RBFOX1: variants seen among roughly 807,000 people sequenced by gnomAD.
RBFOX1 encodes RNA binding protein fox-1 homolog 1.
In RBFOX1, 8 loss-of-function variants were observed where a neutral mutation model predicts 57.7. The ratio of observed to expected loss-of-function variants is 0.14; its 90% CI spans 0.08 to 0.25. The LOEUF (loss-of-function observed/expected upper bound fraction) is 0.25, where lower values mean the gene tolerates loss of function less well. Among genes scored for constraint, RBFOX1 ranks in the 10% least tolerant of loss-of-function variants. RBFOX1 has a pLI of 1.00. For missense variants in RBFOX1, 611 were observed against 548.5 expected (o/e 1.11, Z -1.14); for synonymous variants, 326 against 222.4 (o/e 1.47, Z -4.15).
chr16:5,368,105 A>G (rs965208796), intron 1 of RBFOX1, among the ~76,000 whole-genome samples: 4 of 152,232 alleles, frequency 2.6e-5, no homozygotes, highest in East Asian at 1.9e-4. Context: ...TAGATTTGTC[A>G]TAAATGTATG....
intron 4 of RBFOX1, among the ~76,000 whole-genome samples, chr16:7,452,685 AG>A: frequency 6.6e-6 from 1 of 152,230 alleles, no homozygotes; most frequent in South Asian, 2.1e-4. Context: ...CATGAATTTT[AG>A]GCTACACTGC....
At chr16:7,488,227 C>T (rs1303723418) in intron 4 of RBFOX1, among the ~76,000 whole-genome samples, 1 of 152,178 alleles carries the variant, frequency 6.6e-6, no homozygotes, top group African/African-American at 2.4e-5. Context: ...TCAGCTCCCT[C>T]CACATACATG....
Position 5,873,595 on chromosome 16 carries a change from A to G in RBFOX1, c.351+6260A>G, listed in dbSNP as rs188961507. ...GACAGTCTCTTATAGTCTAGGCACA[A>G]TACTAGGCCTGGGAATACGTGTACA... is the stretch of plus-strand genomic sequence containing the variant. On this transcript the variant is annotated intron_variant, in intron 4 of 19. Transcript: ENST00000641259. Among the ~76,000 whole-genome samples the G allele has an allele frequency of 1.3e-4, 20 of 152,388 alleles. No individual in the cohort carries two copies. The East Asian group carries it at 1.3e-3, about 10-fold the overall frequency.
chr16:5,817,923 C>T (rs1441618980), intron 3 of RBFOX1, among the ~76,000 whole-genome samples: 1 of 151,942 alleles, frequency 6.6e-6, no homozygotes, highest in Non-Finnish European at 1.5e-5. Context: ...ATCTCCTGAC[C>T]TCATGTTCTA....
At chr16:5,529,457 C>T (rs1321799461) in intron 2 of RBFOX1, among the ~76,000 whole-genome samples, 2 of 149,362 alleles carry the variant, frequency 1.3e-5, no homozygotes, top group Non-Finnish European at 3.0e-5. Flanking sequence ...AGTGCAGTGG[C>T]ATGATCTCAG....
Position 6,530,756 on chromosome 16 carries a change from C to CA in RBFOX1, c.-63-123847_-63-123846insA, listed in dbSNP as rs1226264343. ...ACTCCCTTTTATAAACCGTCCCTTC[C>CA]CCACCCCCATCTCATGAGACTTATT... On this transcript the variant is annotated intron_variant, in intron 2 of 15. Transcript: ENST00000550418. 3.3e-5 allele frequency among the ~76,000 whole-genome samples: 5 copies of CA among 151,296 alleles called. No individual in the cohort carries two copies. In the East Asian group the frequency reaches 7.9e-4, roughly 24 times the overall value.
At chr16:7,426,806 G>C (rs2098620294) in intron 4 of RBFOX1, among the ~76,000 whole-genome samples, 1 of 152,206 alleles carries the variant, frequency 6.6e-6, no homozygotes, top group Admixed American at 6.5e-5. Context: ...TGTAAGCAGA[G>C]AGGCAAGGCA....
At chr16:6,093,309 C>T (rs1343450236) in intron 1 of RBFOX1, among the ~76,000 whole-genome samples, 10 of 152,026 alleles carry the variant, frequency 6.6e-5, no homozygotes, top group South Asian at 2.1e-4. Context: ...TGCAGTGGCT[C>T]GCACCTGTAG....
rs530285093 is a variant in RBFOX1 at position 6,812,622 on chromosome 16, C to G, written c.-16+157972C>G. On this transcript the variant is annotated intron_variant, in intron 3 of 15. Transcript: ENST00000550418. ...AAACTCCTGACCTCAATTGATCCACCCGCCTCAGCCTACCACAGTGCTGGG... is the reference window on the plus strand; with the variant it reads ...AAACTCCTGACCTCAATTGATCCACGCGCCTCAGCCTACCACAGTGCTGGG... Among the ~76,000 whole-genome samples, 5 of 152,256 alleles carry G rather than the reference C, an allele frequency of 3.3e-5. No homozygotes were observed. In the East Asian group the frequency reaches 9.7e-4, roughly 29 times the overall value.
chr16:6,192,608 C>A (rs2097149184), intron 1 of RBFOX1, among the ~76,000 whole-genome samples: 1 of 152,116 alleles, frequency 6.6e-6, no homozygotes, highest in Non-Finnish European at 1.5e-5. Flanking sequence ...GGTATGCAAA[C>A]TTCAGAGATA....
chr16:7,186,214 ATATTTATATAAACATAAACATATT>A (rs2083718704), intron 4 of RBFOX1, among the ~76,000 whole-genome samples: 1 of 146,236 alleles, frequency 6.8e-6, no homozygotes, highest in African/African-American at 2.5e-5. Flanking sequence ...GTGTATATAA[ATATTTATATAAACATAAACATATT>A]TATATAAACA....
At chr16:7,510,510 T>TGTGTGTGG (rs534612852) in intron 4 of RBFOX1, among the ~76,000 whole-genome samples, 1 of 130,704 alleles carries the variant, frequency 7.7e-6, no homozygotes, top group African/African-American at 2.7e-5. Context: ...TGTGTGTGTG[T>TGTGTGTGG]GGGCGCGCGC....
chr16:5,787,485 C>G (rs1379509782), intron 3 of RBFOX1, among the ~76,000 whole-genome samples: 1 of 152,150 alleles, frequency 6.6e-6, no homozygotes. Flanking sequence ...CATGCTTAGC[C>G]ATGAGGGGAT....
intron 3 of RBFOX1, among the ~76,000 whole-genome samples, chr16:6,890,625 GTGT>G (rs1296186935): frequency 1.3e-5 from 2 of 152,174 alleles, no homozygotes; most frequent in Non-Finnish European, 2.9e-5. Context: ...TATTGTGTTG[GTGT>G]TTGTAACAGT....
chr16:7,094,855 C>T (rs1229995923), intron 4 of RBFOX1, among the ~76,000 whole-genome samples: 3 of 151,488 alleles, frequency 2.0e-5, no homozygotes, highest in Non-Finnish European at 4.4e-5. Context: ...AAATAACTCA[C>T]TTATGGATAA....
intron 4 of RBFOX1, among the ~76,000 whole-genome samples, chr16:7,513,882 T>C (rs1405736504): frequency 6.6e-6 from 1 of 152,156 alleles, no homozygotes; most frequent in Non-Finnish European, 1.5e-5. Context: ...GGAAAGTAAA[T>C]TCCCCAAAAG....
chr16:7,661,183 T>G (rs1050376016), intron 12 of RBFOX1, among the ~76,000 whole-genome samples: 3 of 152,200 alleles, frequency 2.0e-5, no homozygotes, highest in Admixed American at 1.3e-4. Context: ...GATGGCTACA[T>G]TGCTTCCACA....
At chr16:6,563,247 A>G (rs2097208529) in intron 2 of RBFOX1, among the ~76,000 whole-genome samples, 1 of 152,144 alleles carries the variant, frequency 6.6e-6, no homozygotes, top group Non-Finnish European at 1.5e-5. Flanking sequence ...CCTGTGCAAC[A>G]CGCATGAGAT....
At chr16:6,557,432 A>T (rs1182876624) in intron 2 of RBFOX1, among the ~76,000 whole-genome samples, 1 of 152,190 alleles carries the variant, frequency 6.6e-6, no homozygotes, top group Non-Finnish European at 1.5e-5. Flanking sequence ...CGATTTCACA[A>T]TAACAGCCAC....
Sources: gnomAD v4.1 joint callset for allele counts (sites outside exome capture counted in the v4.1 genomes callset) on GRCh38, gnomAD v4.1.1 for gene constraint, MANE v1.5 for transcripts, NCBI Gene and HGNC (gene_info 2026-07-23, HGNC 2026-07-21) for gene names.